The following POLI variants were observed in gnomAD, a reference collection of about 807,000 sequenced individuals.
POLI encodes the protein DNA polymerase iota.
In POLI, 58 loss-of-function variants were observed where a neutral mutation model predicts 51.6. That is an observed-to-expected ratio of 1.12 (90% CI 0.91 to 1.40). POLI has a LOEUF of 1.40. Ranked by LOEUF, POLI falls within the 40% of genes most tolerant of loss-of-function variation. The pLI is 0.00. For missense variants in POLI, 921 were observed against 871.3 expected (o/e 1.06, Z -0.72); for synonymous variants, 322 against 299.7 (o/e 1.07, Z -0.77).
chr18:54,272,992 CAA>C (rs1442844865), intron 2 of POLI, among the ~76,000 whole-genome samples: 1 of 151,142 alleles, frequency 6.6e-6, no homozygotes, highest in Non-Finnish European at 1.5e-5. Flanking sequence ...ATTTTAGAAA[CAA>C]TGTCTAATAG....
intron 3 of POLI, among the ~76,000 whole-genome samples, chr18:54,306,357 G>A (rs575805024): frequency 2.9e-4 from 44 of 152,290 alleles, no homozygotes; most frequent in African/African-American, 9.9e-4. Flanking sequence ...CATTGGTTCT[G>A]TTTATGTGAT....
chr18:54,318,142 T>C (rs557753283), intron 3 of POLI, among the ~76,000 whole-genome samples: 1 of 152,282 alleles, frequency 6.6e-6, no homozygotes, highest in East Asian at 1.9e-4. Flanking sequence ...TTTTAAAATG[T>C]TGACTATTTT....
At chr18:54,308,726 T>A (rs532514658) in intron 3 of POLI, among the ~76,000 whole-genome samples, 1 of 152,320 alleles carries the variant, frequency 6.6e-6, no homozygotes, top group South Asian at 2.1e-4. Context: ...ACCAATCAAA[T>A]GTAGATTTGG....
chr18:54,282,904 CT>C lies in POLI; in HGVS notation c.868del (p.Ser290HisfsTer5). On this transcript the variant is annotated frameshift_variant, in exon 6 of 10. Transcript: ENST00000579534. LOFTEE classifies it high-confidence loss of function. ...TCAATAGTGTGCGTGATCTCCAAAC[CT>C]TTTCACCCAAAATTTTAGAAAAAGA... ...GINSVRDLQT[F>X]SPKILEKELG... 1 of 1,592,880 alleles carries C rather than the reference CT, an allele frequency of 6.3e-7. No homozygotes were observed. The highest frequency in any genetic ancestry group is 8.6e-7 in the Non-Finnish European group (1 of 1,168,472).
intron 3 of POLI, among the ~76,000 whole-genome samples, chr18:54,317,139 A>G (rs1011988428): frequency 6.6e-6 from 1 of 152,194 alleles, no homozygotes; most frequent in African/African-American, 2.4e-5. Context: ...AGTGCTTACA[A>G]TATTTCCACT....
intron 9 of POLI, 124 bp downstream of exon 9, chr18:54,292,162 T>G: frequency 1.6e-6 from 1 of 619,030 alleles, no homozygotes; most frequent in Non-Finnish European, 2.8e-6. Flanking sequence ...TGATATTGTT[T>G]AGGTGATTAA....
At position 54,291,922 on chromosome 18, in the gene POLI, C is replaced by T. The variant is rs1371772039; in HGVS notation, c.1288C>T (p.Leu430Phe). The T allele has an allele frequency of 6.2e-7, 1 of 1,609,272 alleles. No individual in the cohort carries two copies. Among genetic ancestry groups the T allele is most frequent in the Admixed American group, 1.7e-5 (1 of 59,920 alleles). Residue 430 changes from leucine to phenylalanine, a missense_variant, in exon 9 of 10, where the codon CTT becomes TTT. Physicochemically the swap from Leu to Phe is conservative, Grantham distance 22 (BLOSUM62 0). Coordinates refer to ENST00000579534, the MANE Select transcript of POLI (RefSeq NM_007195.3). ...VNVKMPFHLTLLSVCFCNLKA... is the reference protein window; with the variant it reads ...VNVKMPFHLTFLSVCFCNLKA... Reference sequence around the variant, plus strand: ...TGTGAAGATGCCATTTCACCTTACCCTTCTAAGTGTGTGCTTCTGCAACCT... The same window carrying T: ...TGTGAAGATGCCATTTCACCTTACCTTTCTAAGTGTGTGCTTCTGCAACCT...
intron 8 of POLI, chr18:54,287,670 C>T (rs1419172863): frequency 4.2e-6 from 1 of 238,620 alleles, no homozygotes; most frequent in East Asian, 1.0e-4. Context: ...GCCTTTGTCT[C>T]CCAGGCTCAA....
chr18:54,320,661 G>A (rs1381107106), intron 4 of POLI, among the ~76,000 whole-genome samples: 1 of 152,092 alleles, frequency 6.6e-6, no homozygotes, highest in Non-Finnish European at 1.5e-5. Flanking sequence ...TGCTTGTAAA[G>A]TGTAATGTCA....
chr18:54,302,749 C>T (rs2144631876), downstream of POLI, among the ~76,000 whole-genome samples: 1 of 152,218 alleles, frequency 6.6e-6, no homozygotes, highest in East Asian at 1.9e-4. Context: ...CATTAACTAT[C>T]CCCACTTCTC....
At chr18:54,314,080 T>TCA (rs2088702105) in intron 3 of POLI, among the ~76,000 whole-genome samples, 2 of 152,172 alleles carry the variant, frequency 1.3e-5, no homozygotes. Context: ...ATGTTGGCTG[T>TCA]GTATTTGTCA....
chr18:54,299,293 G>A (rs1446967560), downstream of POLI, among the ~76,000 whole-genome samples: 2 of 152,150 alleles, frequency 1.3e-5, no homozygotes, highest in African/African-American at 4.8e-5. Flanking sequence ...AAGTTGACTG[G>A]GCGTGGTGGT....
intron 3 of POLI, among the ~76,000 whole-genome samples, chr18:54,312,275 A>G (rs1214718977): frequency 6.6e-6 from 1 of 152,184 alleles, no homozygotes; most frequent in Non-Finnish European, 1.5e-5. Flanking sequence ...GCTGCAAAGG[A>G]CATGACTTTG....
Position 54,294,522 on chromosome 18 carries a change from G to A in POLI, c.*55G>A, listed in dbSNP as rs2088203801. 4.0e-6 allele frequency: 6 copies of A among 1,507,424 alleles called. No homozygotes were observed. Among genetic ancestry groups the A allele is most frequent in the Non-Finnish European group, 2.6e-6 (3 of 1,134,468 alleles). 93.4% of individuals were successfully genotyped at this position (1,507,424 alleles called of 1,614,324 possible). On this transcript the variant is annotated 3_prime_UTR_variant, in exon 10 of 10. Coordinates refer to ENST00000579534, the MANE Select transcript of POLI (RefSeq NM_007195.3). Reference sequence around the variant, plus strand: ...AGGGAATACCATTATTTTCGGATTAGCGGTTTATTAAGCTCTTCTATATTA... The same window carrying A: ...AGGGAATACCATTATTTTCGGATTAACGGTTTATTAAGCTCTTCTATATTA...
chr18:54,286,334 A>G (rs967285953), intron 7 of POLI, among the ~76,000 whole-genome samples: 1 of 152,186 alleles, frequency 6.6e-6, no homozygotes, highest in Non-Finnish European at 1.5e-5. Flanking sequence ...AATTTGTCAT[A>G]TCACTAAAAC....
intron 3 of POLI, among the ~76,000 whole-genome samples, chr18:54,317,112 A>C (rs1357538106): frequency 6.6e-6 from 1 of 152,180 alleles, no homozygotes; most frequent in Non-Finnish European, 1.5e-5. Flanking sequence ...TTGCTAATGG[A>C]ATGTTGGACT....
chr18:54,305,367 C>T (rs1358297897), intron 3 of POLI, among the ~76,000 whole-genome samples: 4 of 152,084 alleles, frequency 2.6e-5, no homozygotes, highest in Non-Finnish European at 2.9e-5. Context: ...TGGCCATTTT[C>T]ACGATATTGA....
intron 9 of POLI, among the ~76,000 whole-genome samples, chr18:54,293,448 C>T (rs2144594747): frequency 6.7e-6 from 1 of 149,764 alleles, no homozygotes; most frequent in Middle Eastern, 3.4e-3. Flanking sequence ...AAACCTCTTC[C>T]TGGAATAGTG....
chr18:54,280,635 G>T (rs1378974316), intron 4 of POLI, 32 bp from the exon 5 acceptor site: 6 of 1,424,772 alleles, frequency 4.2e-6, no homozygotes, highest in Middle Eastern at 3.6e-4. Flanking sequence ...GGTTTTTCTT[G>T]TGACTTTGAA....
Sources: allele counts gnomAD v4.1 joint callset (sites outside exome capture counted in the v4.1 genomes callset), GRCh38; gene constraint gnomAD v4.1.1; transcripts MANE v1.5; gene names NCBI Gene and HGNC (gene_info 2026-07-23, HGNC 2026-07-21).